Variants in STK24 observed in about 807,000 individuals in gnomAD.
STK24 encodes serine/threonine kinase 24.
A neutral mutation model predicts 55.6 loss-of-function variants in STK24; 21 were observed. That is an observed-to-expected ratio of 0.38 (90% confidence interval 0.27 to 0.54). The LOEUF is 0.54. Ranked by LOEUF, STK24 falls within the 20% of genes least tolerant of loss-of-function variation. The pLI is 0.79. For synonymous variants in STK24, 200 were observed against 215.2 expected (o/e 0.93, Z 0.62); for missense variants, 383 against 538.4 (o/e 0.71, Z 2.86).
intron 2 of STK24, 83 bp from the exon 3 acceptor site, chr13:98,482,404 A>T (rs1312960303): frequency 1.3e-6 from 1 of 749,634 alleles, no homozygotes; most frequent in Non-Finnish European, 2.2e-6. Flanking sequence ...TATTTTTCAC[A>T]ATTATATTGG....
intron 8 of STK24, 100 bp from the exon 9 acceptor site, chr13:98,460,540 G>A: frequency 1.1e-6 from 1 of 940,022 alleles, no homozygotes. Flanking sequence ...CGCAGGAGTT[G>A]CCTCTACACT....
intron 1 of STK24, among the ~76,000 whole-genome samples, chr13:98,573,562 A>G (rs1158962178): frequency 1.3e-5 from 2 of 152,246 alleles, no homozygotes; most frequent in African/African-American, 4.8e-5. Flanking sequence ...TTTAAATGGT[A>G]ACCTCATTCA....
chr13:98,513,234 C>T (rs1233918146), intron 2 of STK24, among the ~76,000 whole-genome samples: 1 of 152,224 alleles, frequency 6.6e-6, no homozygotes, highest in Non-Finnish European at 1.5e-5. Flanking sequence ...CAGCCATGGG[C>T]TCCGAGACCC....
At chr13:98,522,998 C>T (rs1044724752) in intron 1 of STK24, among the ~76,000 whole-genome samples, 2 of 152,204 alleles carry the variant, frequency 1.3e-5, no homozygotes, top group African/African-American at 4.8e-5. Context: ...CAGTGATTCT[C>T]AGACCTGGGT....
At chr13:98,513,371 G>A (rs1455270012) in intron 2 of STK24, among the ~76,000 whole-genome samples, 1 of 152,238 alleles carries the variant, frequency 6.6e-6, no homozygotes, top group Non-Finnish European at 1.5e-5. Flanking sequence ...CAGTGGCACT[G>A]TGGACATTCG....
At chr13:98,463,891 C>T in intron 6 of STK24, 55 bp from the exon 7 acceptor site, 1 of 1,584,154 alleles carries the variant, frequency 6.3e-7, no homozygotes, top group African/African-American at 1.3e-5. Context: ...GGTCCTACCC[C>T]AAAGGACAGA....
rs535501701 is a variant in STK24 at position 98,541,271 on chromosome 13, G to A, written c.43-21798C>T. 5.9e-5 allele frequency among the ~76,000 whole-genome samples: 9 copies of A among 152,238 alleles called. No individual in the cohort carries two copies. The South Asian group carries it at 1.2e-3, about 21-fold the overall frequency. The stretch of plus-strand genomic sequence containing the variant: ...GTAACCGGCTGCAGGAAATAAAAAC[G>A]CTCTTCCTCTCCAGTTCATCTGCAT... On this transcript the variant is annotated intron_variant, in intron 1 of 10. Coordinates refer to ENST00000539966, the MANE Select transcript of STK24 (RefSeq NM_001032296.4).
At chr13:98,569,508 T>C (rs1304233084) in intron 1 of STK24, among the ~76,000 whole-genome samples, 1 of 150,544 alleles carries the variant, frequency 6.6e-6, no homozygotes, top group African/African-American at 2.5e-5. Flanking sequence ...GACCAGAGGA[T>C]GGGGGTGGCA....
intron 1 of STK24, among the ~76,000 whole-genome samples, chr13:98,552,997 G>A (rs1897193998): frequency 6.6e-6 from 1 of 152,134 alleles, no homozygotes; most frequent in Non-Finnish European, 1.5e-5. Context: ...AGGCTCATCA[G>A]CTGTGACAAA....
chr13:98,466,242 T>G (rs1189559073), intron 6 of STK24, 134 bp downstream of exon 6: 1 of 826,036 alleles, frequency 1.2e-6, no homozygotes, highest in African/African-American at 1.7e-5. Context: ...TCAATCATAC[T>G]TACTTAGAAA....
chr13:98,468,492 A>T lies in STK24; in HGVS notation c.598-1931T>A, dbSNP rs571324528. On this transcript the variant is annotated intron_variant, in intron 5 of 10. Coordinates refer to ENST00000539966, the MANE Select transcript of STK24 (RefSeq NM_001032296.4). ...AGAACTGTGGCAGCGACAGGAGGAC[A>T]GGAGTGAGCAGGCACAAGGAGGGAG... is the stretch of plus-strand genomic sequence containing the variant. 7.9e-5 allele frequency among the ~76,000 whole-genome samples: 12 copies of T among 152,326 alleles called. No individual in the cohort carries two copies. In the East Asian group the frequency reaches 2.3e-3, roughly 29 times the overall value.
At chr13:98,522,728 G>A (rs1896306710) in intron 1 of STK24, among the ~76,000 whole-genome samples, 1 of 152,158 alleles carries the variant, frequency 6.6e-6, no homozygotes, top group East Asian at 1.9e-4. Flanking sequence ...TGTGTCTCAC[G>A]CACCTCTACA....
chr13:98,568,547 C>T (rs564472006), intron 1 of STK24, among the ~76,000 whole-genome samples: 12 of 152,172 alleles, frequency 7.9e-5, no homozygotes, highest in South Asian at 4.2e-4. Flanking sequence ...CAGACACAGC[C>T]GGAAGCAGAG....
At chr13:98,489,848 G>A (rs1195520112) in intron 2 of STK24, among the ~76,000 whole-genome samples, 2 of 152,200 alleles carry the variant, frequency 1.3e-5, no homozygotes, top group African/African-American at 4.8e-5. Flanking sequence ...CGAAACTTGT[G>A]CTAATAGAAC....
intron 5 of STK24, among the ~76,000 whole-genome samples, chr13:98,473,064 A>C (rs1441773495): frequency 1.3e-5 from 2 of 151,340 alleles, no homozygotes; most frequent in African/African-American, 4.9e-5. Context: ...GCTTGCTCCT[A>C]AAGTGCTGTT....
At position 98,519,953 on chromosome 13, in the gene STK24, T is replaced by A. The variant is rs1346776343; in HGVS notation, c.43-480A>T. On this transcript the variant is annotated intron_variant, in intron 1 of 10. Transcript: ENST00000539966. ...CAGAAAAAAAAACGTATACCGTAAC[T>A]ATGCATCTTCATGAATAGTACTGCC... 3.5e-4 allele frequency among the ~76,000 whole-genome samples: 53 copies of A among 152,210 alleles called. 1 individual carries two copies. Among genetic ancestry groups the A allele is most frequent in the Admixed American group, 3.4e-3 (52 of 15,284 alleles).
intron 1 of STK24, among the ~76,000 whole-genome samples, chr13:98,574,378 T>C (rs181065509): frequency 1.6e-4 from 24 of 152,306 alleles, no homozygotes; most frequent in African/African-American, 5.8e-4. Flanking sequence ...GAGCAAGCCA[T>C]AGAAGAGATA....
At chr13:98,539,799 C>G (rs1896836291) in intron 1 of STK24, among the ~76,000 whole-genome samples, 1 of 152,174 alleles carries the variant, frequency 6.6e-6, no homozygotes, top group African/African-American at 2.4e-5. Context: ...AAGCATAAAA[C>G]TACCATATGT....
At chr13:98,474,766 G>T (rs542135029) in intron 5 of STK24, 55 bp downstream of exon 5, 2 of 1,537,764 alleles carry the variant, frequency 1.3e-6, no homozygotes, top group African/African-American at 2.8e-5. Context: ...AAGAACAAAA[G>T]GCGGGAGCCC....
Sources: gnomAD v4.1 joint callset for allele counts (sites outside exome capture counted in the v4.1 genomes callset) on GRCh38, gnomAD v4.1.1 for gene constraint, MANE v1.5 for transcripts, NCBI Gene and HGNC (gene_info 2026-07-23, HGNC 2026-07-21) for gene names.